The following C12orf43 variants were observed in gnomAD, a reference collection of about 807,000 sequenced individuals.
C12orf43 encodes the protein protein CUSTOS.
In C12orf43, 15 loss-of-function variants were observed where a neutral mutation model predicts 20.6. The ratio of observed to expected loss-of-function variants is 0.73; its 90% CI spans 0.49 to 1.12. The LOEUF is 1.12. C12orf43 is among the 50% of genes most tolerant of loss of function. The pLI is 0.00. For missense variants in C12orf43, 334 were observed against 344.4 expected, an observed-to-expected ratio of 0.97 and a Z score of 0.24; for synonymous variants, 144 against 130.8, an observed-to-expected ratio of 1.10 and a Z score of -0.69.
At chr12:121,011,470 T>G (rs1878468267) in intron 1 of C12orf43, among the ~76,000 whole-genome samples, 1 of 148,676 alleles carries the variant, frequency 6.7e-6, no homozygotes, top group Non-Finnish European at 1.5e-5. Context: ...AATAGTTATA[T>G]ATATAACTTA....
Position 121,010,780 on chromosome 12 carries a change from T to C in C12orf43, c.287+48A>G, listed in dbSNP as rs772616963. 8.3e-6 allele frequency: 12 copies of C among 1,453,818 alleles called. No homozygotes were observed. In the South Asian group the frequency reaches 1.7e-4, roughly 20 times the overall value. 90.1% of individuals were successfully genotyped at this position (1,453,818 alleles called of 1,614,324 possible). ...GCTCCCAGCCAATGTGAGCCATTGC[T>C]GTTCATATTAACAAGGGCAAGAGAG... On this transcript the variant is annotated intron_variant, in intron 3 of 5. Coordinates refer to ENST00000288757, the MANE Select transcript of C12orf43 (RefSeq NM_022895.3).
chr12:121,011,461 ATAGT>A (rs1277442974), intron 1 of C12orf43, among the ~76,000 whole-genome samples: 10 of 148,424 alleles, frequency 6.7e-5, no homozygotes, highest in African/African-American at 1.2e-4. Flanking sequence ...AAAACTTAAA[ATAGT>A]TATATATATA....
intron 1 of C12orf43, among the ~76,000 whole-genome samples, chr12:121,016,065 G>A (rs1261598947): frequency 6.6e-6 from 1 of 152,204 alleles, no homozygotes; most frequent in East Asian, 1.9e-4. Context: ...AGAGACGGCA[G>A]CCTTCCCAGT....
At position 121,002,144 on chromosome 12, in the gene C12orf43, G is replaced by A; in HGVS notation, c.*2009C>T. The A allele has an allele frequency of 1.9e-6, 1 of 515,136 alleles. No individual in the cohort carries two copies. Among genetic ancestry groups the A allele is most frequent in the South Asian group, 1.6e-5 (1 of 62,352 alleles). The allele number at this position is 515,136 out of a possible 1,614,324, so 31.9% of individuals were successfully genotyped here. Reference sequence around the variant, plus strand: ...GCCCGAGCAGCTGAGCAGGGCCGGGGAACTGGCCAAGCTGAGGTGCCCAGG... The same window carrying A: ...GCCCGAGCAGCTGAGCAGGGCCGGGAAACTGGCCAAGCTGAGGTGCCCAGG... On this transcript the variant is annotated 3_prime_UTR_variant, in exon 6 of 6. Coordinates refer to ENST00000288757, the MANE Select transcript of C12orf43 (RefSeq NM_022895.3).
chr12:121,010,122 T>C (rs1211045204), intron 3 of C12orf43, among the ~76,000 whole-genome samples: 1 of 152,164 alleles, frequency 6.6e-6, no homozygotes, highest in Non-Finnish European at 1.5e-5. Flanking sequence ...GTCAACACGG[T>C]GAAACCCCGT....
rs200120574 is a variant in C12orf43, at chr12:121,001,074, G to C, written c.*3079C>G. The stretch of plus-strand genomic sequence containing the variant: ...TTGTTTGCCTCTGCAGTGTCCTCCA[G>C]CAGCCTGGTGCTGTACCAGAGCTCA... On this transcript the variant is annotated 3_prime_UTR_variant, in exon 6 of 6. Coordinates refer to ENST00000288757, the MANE Select transcript of C12orf43 (RefSeq NM_022895.3). The C allele has an allele frequency of 3.0e-5, 48 of 1,613,296 alleles. No individual in the cohort carries two copies. Among genetic ancestry groups the C allele is most frequent in the Non-Finnish European group, 4.1e-5 (48 of 1,179,874 alleles).
Position 121,004,148 on chromosome 12 carries a change from TG to T in C12orf43, c.*4del. 6.2e-7 allele frequency: 1 copy of T among 1,614,128 alleles called. No homozygotes were observed. Among genetic ancestry groups the T allele is most frequent in the Non-Finnish European group, 8.5e-7 (1 of 1,179,976 alleles). On this transcript the variant is annotated 3_prime_UTR_variant, in exon 6 of 6. Coordinates refer to ENST00000288757, the MANE Select transcript of C12orf43 (RefSeq NM_022895.3). This position sits in a 1 kb window ranked among gnomAD's most constrained non-coding sequence, Gnocchi z 5.6. ...GCTGGCTGAGCCCTGTGCCCATGGCTGGGTTCAGTTTGCAGGTATAGCTGTA... is the reference window on the plus strand; with the variant it reads ...GCTGGCTGAGCCCTGTGCCCATGGCTGGTTCAGTTTGCAGGTATAGCTGTA...
chr12:121,008,396 A>G (rs886237671), intron 3 of C12orf43, among the ~76,000 whole-genome samples: 1 of 152,112 alleles, frequency 6.6e-6, no homozygotes. Flanking sequence ...CAGCCTCCCA[A>G]AGTGCTGGGA....
intron 3 of C12orf43, among the ~76,000 whole-genome samples, chr12:121,009,460 A>G (rs1371317483): frequency 5.3e-5 from 8 of 152,176 alleles, no homozygotes; most frequent in Non-Finnish European, 1.2e-4. Flanking sequence ...GAGAAAAGAA[A>G]AAGAGAAATC....
rs1380692356 is a variant in C12orf43, at chr12:121,004,295, G to A, written c.647C>T (p.Ala216Val). ...ACCTGACTTCTGCTTCTGGACTGTG[G>A]CCATGCTGGTGGGGGTGGTGGCAGC... The part of the protein sequence containing the change: ...AVAATTPTSM[A>V]TVQKQKSGEL... The change falls in exon 6 of 6, where the codon GCC becomes GTC. Residue 216 changes from alanine to valine, a missense_variant. Ala to Val is a moderately conservative substitution (Grantham distance 64). Coordinates refer to ENST00000288757, the MANE Select transcript of C12orf43 (RefSeq NM_022895.3). This position sits in a 1 kb window ranked among gnomAD's most constrained non-coding sequence, Gnocchi z 5.6. The A allele has an allele frequency of 3.1e-6, 5 of 1,614,102 alleles. No homozygotes were observed. Among genetic ancestry groups the A allele is most frequent in the African/African-American group, 1.3e-5 (1 of 74,930 alleles).
intron 1 of C12orf43, among the ~76,000 whole-genome samples, chr12:121,011,405 CTT>C (rs1878454689): frequency 6.9e-6 from 1 of 145,792 alleles, no homozygotes; most frequent in Non-Finnish European, 1.5e-5. Flanking sequence ...ATATATATAT[CTT>C]AGTTATATAA....
chr12:121,016,141 G>A (rs911594346), intron 1 of C12orf43, 189 bp downstream of exon 1: 66 of 896,072 alleles, frequency 7.4e-5, no homozygotes, highest in Non-Finnish European at 1.1e-4. Context: ...CAGCTTCCCC[G>A]ACTGGAATAA....
chr12:121,006,060 T>C (rs1489136312), intron 4 of C12orf43: 5 of 385,222 alleles, frequency 1.3e-5, no homozygotes, highest in East Asian at 9.8e-5. Context: ...CTAAAAAACA[T>C]AAATAATTAG....
chr12:121,006,223 GAA>G (rs1013126684), intron 4 of C12orf43, 96 bp downstream of exon 4: 71 of 448,992 alleles, frequency 1.6e-4, no homozygotes, highest in Middle Eastern at 7.8e-4. Flanking sequence ...CTCAAAAAAA[GAA>G]AAAAAAAAAA....
chr12:121,009,667 C>T (rs773675233), intron 3 of C12orf43, among the ~76,000 whole-genome samples: 1 of 152,200 alleles, frequency 6.6e-6, no homozygotes, highest in Non-Finnish European at 1.5e-5. Context: ...GACACTGAAT[C>T]TGCTGGTGCC....
chr12:121,007,625 GCTCT>G (rs1180281116), intron 3 of C12orf43, among the ~76,000 whole-genome samples: 1 of 152,218 alleles, frequency 6.6e-6, no homozygotes, highest in Non-Finnish European at 1.5e-5. Flanking sequence ...GCCTTCACAG[GCTCT>G]CTAACATAAA....
intron 3 of C12orf43, among the ~76,000 whole-genome samples, chr12:121,010,250 C>T (rs528121022): frequency 3.3e-5 from 5 of 152,234 alleles, no homozygotes; most frequent in Non-Finnish European, 7.3e-5. Flanking sequence ...CTGCAGTGAG[C>T]CAAGATTGTG....
intron 1 of C12orf43, among the ~76,000 whole-genome samples, chr12:121,014,702 G>A (rs1047635351): frequency 6.7e-6 from 1 of 148,798 alleles, no homozygotes. Context: ...ACTAGAAGCC[G>A]AGCACAGTGG....
rs963729550 is a variant in C12orf43, at chr12:121,002,146, A to G, written c.*2007T>C. The G allele has an allele frequency of 1.9e-6, 1 of 513,762 alleles. No individual in the cohort carries two copies. The highest frequency in any genetic ancestry group is 3.8e-6 in the Non-Finnish European group (1 of 265,680). The allele number at this position is 513,762 out of a possible 1,614,324, so 31.8% of individuals were successfully genotyped here. ...CCGAGCAGCTGAGCAGGGCCGGGGAACTGGCCAAGCTGAGGTGCCCAGGAG... is the reference window on the plus strand; with the variant it reads ...CCGAGCAGCTGAGCAGGGCCGGGGAGCTGGCCAAGCTGAGGTGCCCAGGAG... On this transcript the variant is annotated 3_prime_UTR_variant, in exon 6 of 6. Coordinates refer to ENST00000288757, the MANE Select transcript of C12orf43 (RefSeq NM_022895.3).
Sources: gnomAD v4.1 joint callset for allele counts (sites outside exome capture counted in the v4.1 genomes callset) on GRCh38, gnomAD v4.1.1 for gene constraint, Gnocchi (gnomAD v3.1) non-coding constraint, MANE v1.5 for transcripts, NCBI Gene and HGNC (gene_info 2026-07-23, HGNC 2026-07-21) for gene names.